Variants in THSD4 observed in about 807,000 individuals in gnomAD.
THSD4 encodes thrombospondin type-1 domain-containing protein 4.
In THSD4, 69 loss-of-function variants were observed where a neutral mutation model predicts 119.0. The ratio of observed to expected loss-of-function variants is 0.58; its 90% CI spans 0.48 to 0.71. The LOEUF is 0.71. Among genes scored for constraint, THSD4 ranks in the 30% least tolerant of loss-of-function variants. The pLI is 0.00. For synonymous variants in THSD4, 524 were observed against 540.4 expected, an observed-to-expected ratio of 0.97 and a Z score of 0.42; for missense variants, 1,393 against 1,391.1, an observed-to-expected ratio of 1.00 and a Z score of -0.02.
At chr15:71,126,809 T>C (rs906599484) in intron 1 of THSD4, among the ~76,000 whole-genome samples, 2 of 152,262 alleles carry the variant, frequency 1.3e-5, no homozygotes, top group African/African-American at 4.8e-5. Context: ...CATTTTATTG[T>C]AGATTGACAA....
chr15:71,302,865 C>T (rs1241106534), intron 6 of THSD4, among the ~76,000 whole-genome samples: 1 of 152,098 alleles, frequency 6.6e-6, no homozygotes, highest in Non-Finnish European at 1.5e-5. Context: ...CTCATTTAGC[C>T]CTACAACCCC....
chr15:71,298,608 CTTTT>C (rs60709646), intron 6 of THSD4, among the ~76,000 whole-genome samples: 5 of 90,254 alleles, frequency 5.5e-5, no homozygotes, highest in Admixed American at 1.4e-4. Context: ...TATGTGCTGA[CTTTT>C]TTTTTTTTTT....
chr15:71,719,855 T>C (rs368481364), intron 8 of THSD4, among the ~76,000 whole-genome samples: 121 of 151,764 alleles, frequency 8.0e-4, no homozygotes, highest in African/African-American at 2.9e-3. Context: ...TGTTAATTCT[T>C]TGTAGGGATG....
At position 71,660,560 on chromosome 15, in the gene THSD4, G is replaced by A. The variant is rs72742760; in HGVS notation, c.1183G>A (p.Asp395Asn). ...SIGCDDYLGSDKVVDKCGVCG... is the reference protein window; with the variant it reads ...SIGCDDYLGSNKVVDKCGVCG... The stretch of plus-strand genomic sequence containing the variant: ...TGGCTGTGATGACTACTTAGGCTCC[G>A]ACAAAGTCGTGGACAAATGTGGGGT... Residue 395 changes from aspartate to asparagine, a missense_variant, in exon 8 of 18, where the codon GAC becomes AAC. Asp to Asn is a conservative substitution (Grantham distance 23). Transcript: ENST00000261862. 15,061 of 1,614,048 alleles carry A rather than the reference G, an allele frequency of 9.3e-3. 99 individuals carry two copies. The highest frequency in any genetic ancestry group is 0.011 in the Non-Finnish European group (12,713 of 1,180,000).
At chr15:71,657,676 C>A (rs536837579) in intron 7 of THSD4, among the ~76,000 whole-genome samples, 1 of 152,268 alleles carries the variant, frequency 6.6e-6, no homozygotes, top group East Asian at 1.9e-4. Context: ...AGGCTGTCAC[C>A]TTTAGTTCTT....
intron 7 of THSD4, among the ~76,000 whole-genome samples, chr15:71,608,160 T>A (rs1416465576): frequency 6.7e-6 from 1 of 149,532 alleles, no homozygotes; most frequent in East Asian, 2.0e-4. Context: ...GAGGCGGTGG[T>A]TGCGGTGAGC....
At chr15:71,479,180 C>CTTTTTTTTTTTTTTTTT (rs5813637) in intron 7 of THSD4, among the ~76,000 whole-genome samples, 1 of 80,140 alleles carries the variant, frequency 1.2e-5, no homozygotes, top group Non-Finnish European at 2.3e-5. Flanking sequence ...TTTCTTCTGC[C>CTTTTTTTTTTTTTTTTT]TTTTTTTTTT....
intron 8 of THSD4, among the ~76,000 whole-genome samples, chr15:71,727,231 A>G (rs1409192377): frequency 6.6e-6 from 1 of 152,028 alleles, no homozygotes; most frequent in Non-Finnish European, 1.5e-5. Flanking sequence ...TGTGACGATT[A>G]AATTTGACAG....
At chr15:71,113,986 T>G (rs2141346782), upstream of THSD4, among the ~76,000 whole-genome samples, 1 of 152,228 alleles carries the variant, frequency 6.6e-6, no homozygotes, top group African/African-American at 2.4e-5. Flanking sequence ...AGCTGTTAGA[T>G]CGACTTAATT....
At chr15:71,693,421 C>G (rs1018539434) in intron 8 of THSD4, among the ~76,000 whole-genome samples, 2 of 152,178 alleles carry the variant, frequency 1.3e-5, no homozygotes, top group Admixed American at 1.3e-4. Context: ...CCAAGGTGGG[C>G]AGATTGCTTG....
At chr15:71,116,882 G>A (rs2040367346) in intron 1 of THSD4, among the ~76,000 whole-genome samples, 1 of 152,024 alleles carries the variant, frequency 6.6e-6, no homozygotes, top group Non-Finnish European at 1.5e-5. Flanking sequence ...ATACAAAGAA[G>A]CAAACATTTT....
At chr15:71,297,066 A>G (rs1030934174) in intron 6 of THSD4, among the ~76,000 whole-genome samples, 2 of 151,976 alleles carry the variant, frequency 1.3e-5, no homozygotes, top group African/African-American at 4.8e-5. Flanking sequence ...TATGTCTTCT[A>G]TTGTTTTTAA....
At chr15:71,356,708 G>A (rs2045817062) in intron 6 of THSD4, among the ~76,000 whole-genome samples, 1 of 152,152 alleles carries the variant, frequency 6.6e-6, no homozygotes, top group Non-Finnish European at 1.5e-5. Context: ...CAGGGCTCAT[G>A]CAGGGTGCTG....
rs1288193394 is a variant in THSD4 at position 71,699,342 on chromosome 15, A to G, written c.1358-29207A>G. Among the ~76,000 whole-genome samples the G allele has an allele frequency of 2.9e-5, 2 of 68,854 alleles. 1 individual carries two copies. Among genetic ancestry groups the G allele is most frequent in the Non-Finnish European group, 5.2e-5 (2 of 38,582 alleles). The allele number at this position is 68,854 out of a possible 152,430, so 45.2% of individuals were successfully genotyped here. A position where few individuals can be genotyped will look rare whatever the true frequency, so the allele number is the denominator to read the frequency against. On this transcript the variant is annotated intron_variant, in intron 8 of 17. Coordinates refer to ENST00000261862, the MANE Select transcript of THSD4 (RefSeq NM_024817.3). ...ATTCTCCTGCCTCAGCCTCCCAAGT[A>G]GCTGGGACTACAGGCGCCCGCCACT...
In THSD4 at chr15:71,326,685, AAAAAAAAAAAAAAAAAT is replaced by A. The variant is rs1416616742; in HGVS notation, c.1015+69972_1015+69988del. ...CAAGATTCCATCTCAAAAAAAAAAA[AAAAAAAAAAAAAAAAAT>A]ATATATATATATATATATATATATT... On this transcript the variant is annotated intron_variant, in intron 6 of 17. Transcript: ENST00000261862. Among the ~76,000 whole-genome samples, 117 of 46,502 alleles carry A rather than the reference AAAAAAAAAAAAAAAAAT, an allele frequency of 2.5e-3. 5 individuals are homozygous for A. Among genetic ancestry groups the A allele is most frequent in the African/African-American group, 7.9e-3 (115 of 14,570 alleles). 30.5% of individuals were successfully genotyped at this position (46,502 alleles called of 152,430 possible).
intron 8 of THSD4, among the ~76,000 whole-genome samples, chr15:71,688,147 C>T (rs2051957698): frequency 6.6e-6 from 1 of 152,246 alleles, no homozygotes; most frequent in Admixed American, 6.5e-5. Flanking sequence ...CAACTGCATG[C>T]TCTGCATGCA....
chr15:71,678,498 C>A (rs967627462), intron 8 of THSD4, among the ~76,000 whole-genome samples: 4 of 152,166 alleles, frequency 2.6e-5, no homozygotes, highest in Admixed American at 2.6e-4. Context: ...GCCTTACTTT[C>A]CCATGGAAGA....
intron 6 of THSD4, among the ~76,000 whole-genome samples, chr15:71,298,165 A>G (rs765414076): frequency 6.6e-6 from 1 of 152,164 alleles, no homozygotes; most frequent in Non-Finnish European, 1.5e-5. Context: ...TGGAGGGGCT[A>G]TTCAGTTGTC....
intron 3 of THSD4, among the ~76,000 whole-genome samples, chr15:71,173,332 A>G (rs1180493250): frequency 6.6e-6 from 1 of 152,120 alleles, no homozygotes; most frequent in African/African-American, 2.4e-5. Flanking sequence ...GAAAACTTGT[A>G]TAATGAAAAC....
Sources: allele counts gnomAD v4.1 joint callset (sites outside exome capture counted in the v4.1 genomes callset), GRCh38; gene constraint gnomAD v4.1.1; transcripts MANE v1.5; gene names NCBI Gene and HGNC (gene_info 2026-07-23, HGNC 2026-07-21).